Variants in NLGN3 observed in about 807,000 individuals in gnomAD.
NLGN3 encodes neuroligin-3.
A neutral mutation model predicts 42.9 loss-of-function variants in NLGN3; 11 were observed. The observed-to-expected ratio is 0.26, with a 90% CI of 0.16 to 0.42. The LOEUF is 0.42. Among genes scored for constraint, NLGN3 ranks in the 10% least tolerant of loss-of-function variants. The probability of loss-of-function intolerance (pLI) is 1.00; values close to 1 mark genes in which losing one functional copy is unlikely to be tolerated. For synonymous variants in NLGN3, 279 were observed against 312.7 expected (o/e 0.89, Z 1.14); for missense variants, 374 against 733.8 (o/e 0.51, Z 5.67).
At chrX:71,160,727 G>C (rs959392880) in intron 5 of NLGN3, among the ~76,000 whole-genome samples, 1 of 112,427 alleles carries the variant, frequency 8.9e-6, no homozygotes, top group African/African-American at 3.2e-5. Context: ...TTTTACTCCA[G>C]GTTCCAGAAT....
chrX:71,165,941 T>C (rs2092445452), intron 6 of NLGN3, among the ~76,000 whole-genome samples: 1 of 112,007 alleles, frequency 8.9e-6, no homozygotes, highest in Non-Finnish European at 1.9e-5. Context: ...ATCTATCATT[T>C]CTTTCCCTCT....
chrX:71,169,715 A>G lies in NLGN3; in HGVS notation c.2165A>G (p.Asn722Ser). Residue 722 changes from asparagine to serine, a missense_variant, in exon 8 of 8, where the codon AAC (asparagine) becomes AGC (serine). Coordinates refer to ENST00000358741, the MANE Select transcript of NLGN3 (RefSeq NM_181303.2). ...IAVGASLLFL[N>S]VLAFAALYYR... ...GTGGGGGCCTCCCTCCTGTTCCTTA[A>G]CGTTCTGGCCTTCGCTGCCCTCTAC... 1 of 1,211,749 alleles carries G rather than the reference A, an allele frequency of 8.3e-7. No homozygotes were observed. Among genetic ancestry groups the G allele is most frequent in the Non-Finnish European group, 1.1e-6 (1 of 895,411 alleles).
At chrX:71,153,656 A>G (rs1052058360) in intron 4 of NLGN3, 120 bp downstream of exon 4, 2 of 681,202 alleles carry the variant, frequency 2.9e-6, no homozygotes. Flanking sequence ...GTTCCTGTAC[A>G]AGGCCGTTGG....
chrX:71,145,491 C>T (rs991516971), intron 1 of NLGN3, among the ~76,000 whole-genome samples: 6 of 108,156 alleles, frequency 5.5e-5, no homozygotes, highest in Non-Finnish European at 1.2e-4. Context: ...CAATGCCCCG[C>T]GCCCAGCACC....
intron 5 of NLGN3, among the ~76,000 whole-genome samples, chrX:71,160,711 G>T (rs1408537928): frequency 1.8e-5 from 2 of 112,458 alleles, no homozygotes; most frequent in African/African-American, 6.5e-5. Flanking sequence ...GCAGGCACTT[G>T]CCAAGTTTTA....
rs1251832909 is a variant in NLGN3, at chrX:71,160,376, C to T, written c.728-3767C>T. ...GGATTACAGGCGCCTGCCACCACACCCGGCATATTTTTGTATTTTTAGTAG... is the reference window on the plus strand; with the variant it reads ...GGATTACAGGCGCCTGCCACCACACTCGGCATATTTTTGTATTTTTAGTAG... On this transcript the variant is annotated intron_variant, in intron 5 of 7. Transcript: ENST00000358741. Among the ~76,000 whole-genome samples the T allele has an allele frequency of 2.7e-5, 3 of 109,266 alleles. No individual in the cohort carries two copies. In the East Asian group the frequency reaches 8.6e-4, roughly 31 times the overall value. The allele number at this position is 109,266 out of a possible 115,157, so 94.9% of individuals were successfully genotyped here. A position where few individuals can be genotyped will look rare whatever the true frequency, so the allele number is the denominator to read the frequency against.
intron 5 of NLGN3, among the ~76,000 whole-genome samples, chrX:71,161,008 T>C (rs1051449054): frequency 1.8e-5 from 2 of 111,977 alleles, no homozygotes; most frequent in Non-Finnish European, 3.8e-5. Flanking sequence ...TAGCAGTGAG[T>C]GACCTCTCCC....
chrX:71,170,179 G>A lies in NLGN3; in HGVS notation c.*82G>A, dbSNP rs201706343. On this transcript the variant is annotated 3_prime_UTR_variant, in exon 8 of 8. Transcript: ENST00000358741. Reference sequence around the variant, plus strand: ...CATGCACACACACACACACACACACGCAGACACACACACACACACACATAT... The same window carrying A: ...CATGCACACACACACACACACACACACAGACACACACACACACACACATAT... The A allele has an allele frequency of 3.2e-5, 37 of 1,139,951 alleles. No individual in the cohort carries two copies. In the Admixed American group the frequency reaches 5.6e-4, roughly 17 times the overall value. The allele number at this position is 1,139,951 out of a possible 1,213,427, so 93.9% of individuals were successfully genotyped here. A position where few individuals can be genotyped will look rare whatever the true frequency, so the allele number is the denominator to read the frequency against.
chrX:71,161,518 A>C lies in NLGN3; in HGVS notation c.728-2625A>C, dbSNP rs532080802. ...TAACCAGAGACTCATAGGATCTGAGAGAGCAGAGAGTGATGGTCAAATCCT... is the reference window on the plus strand; with the variant it reads ...TAACCAGAGACTCATAGGATCTGAGCGAGCAGAGAGTGATGGTCAAATCCT... On this transcript the variant is annotated intron_variant, in intron 5 of 7. Coordinates refer to ENST00000358741, the MANE Select transcript of NLGN3 (RefSeq NM_181303.2). Among the ~76,000 whole-genome samples, 21 of 109,965 alleles carry C rather than the reference A, an allele frequency of 1.9e-4. No homozygotes were observed. The South Asian group carries it at 8.4e-3, about 44-fold the overall frequency.
chrX:71,168,853 GAAAGAAA>G (rs1207039071), intron 7 of NLGN3, among the ~76,000 whole-genome samples: 2 of 85,100 alleles, frequency 2.4e-5, no homozygotes, highest in African/African-American at 6.4e-5. Flanking sequence ...AAGAAAGAAA[GAAAGAAA>G]GAAAGAAAGA....
At chrX:71,153,379 G>A in intron 3 of NLGN3, 98 bp from the exon 4 acceptor site, 2 of 891,393 alleles carry the variant, frequency 2.2e-6, no homozygotes, top group Non-Finnish European at 3.2e-6. Flanking sequence ...GCCCGGAGCT[G>A]GCTTGCTGGG....
intron 3 of NLGN3, 105 bp from the exon 4 acceptor site, chrX:71,153,372 C>T (rs1400413885): frequency 1.2e-5 from 10 of 843,350 alleles, no homozygotes; most frequent in African/African-American, 4.0e-5. Flanking sequence ...GGCCCAGGCC[C>T]GGAGCTGGCT....
intron 7 of NLGN3, among the ~76,000 whole-genome samples, chrX:71,168,700 C>T (rs867327576): frequency 2.3e-5 from 2 of 86,575 alleles, no homozygotes; most frequent in South Asian, 1.2e-3. Context: ...CCAGCCTGTG[C>T]GACAGAGCGA....
chrX:71,160,176 C>T (rs1164678653), intron 5 of NLGN3, among the ~76,000 whole-genome samples: 2 of 106,767 alleles, frequency 1.9e-5, no homozygotes, highest in Non-Finnish European at 3.9e-5. Context: ...ACCCATCAGG[C>T]GGTTCACTCT....
intron 3 of NLGN3, among the ~76,000 whole-genome samples, chrX:71,151,172 G>A (rs1225446326): frequency 9.0e-6 from 1 of 110,954 alleles, no homozygotes; most frequent in African/African-American, 3.3e-5. Flanking sequence ...ACAGGTGCAT[G>A]GTGGCACACA....
rs774015992 is a variant in NLGN3 at position 71,168,884 on chromosome X, G to GAA, written c.1704-369_1704-368insAA. On this transcript the variant is annotated intron_variant, in intron 7 of 7. Transcript: ENST00000358741. ...AAGAAAGAAAGAGAAAGAAAAGAAAGAGAAAGAAAGAAAGAAAGAAAAAGA... is the reference window on the plus strand; with the variant it reads ...AAGAAAGAAAGAGAAAGAAAAGAAAGAAAGAAAGAAAGAAAGAAAGAAAAAGA... Among the ~76,000 whole-genome samples the GAA allele has an allele frequency of 6.8e-3, 487 of 71,511 alleles. 7 individuals are homozygous for GAA. Among genetic ancestry groups the GAA allele is most frequent in the African/African-American group, 0.063 (444 of 7,072 alleles). 62.1% of individuals were successfully genotyped at this position (71,511 alleles called of 115,157 possible). A position where few individuals can be genotyped will look rare whatever the true frequency, so the allele number is the denominator to read the frequency against.
In NLGN3 at chrX:71,170,254, TAGAC is replaced by T. The variant is rs1265216871; in HGVS notation, c.*161_*164del. 9.7e-6 allele frequency: 11 copies of T among 1,133,137 alleles called. No individual in the cohort carries two copies. Among genetic ancestry groups the T allele is most frequent in the South Asian group, 4.0e-5 (2 of 49,750 alleles). The allele number at this position is 1,133,137 out of a possible 1,213,427, so 93.4% of individuals were successfully genotyped here. A position where few individuals can be genotyped will look rare whatever the true frequency, so the allele number is the denominator to read the frequency against. The stretch of plus-strand genomic sequence containing the variant: ...TACAGCAGATCCACCTGCACAAACA[TAGAC>T]AGATGTGGACATGCACCCGCATGTA... On this transcript the variant is annotated 3_prime_UTR_variant, in exon 8 of 8. Coordinates refer to ENST00000358741, the MANE Select transcript of NLGN3 (RefSeq NM_181303.2).
chrX:71,149,232 A>G (rs979859556), intron 3 of NLGN3, among the ~76,000 whole-genome samples: 3 of 111,635 alleles, frequency 2.7e-5, no homozygotes, highest in African/African-American at 9.8e-5. Flanking sequence ...ATGGAGCCAG[A>G]GGCTCCACCC....
At chrX:71,150,656 C>T (rs1377083984) in intron 3 of NLGN3, among the ~76,000 whole-genome samples, 4 of 99,060 alleles carry the variant, frequency 4.0e-5, no homozygotes, top group African/African-American at 1.5e-4. Context: ...GAGCCGAGAT[C>T]GTGCCACTGC....
Sources: allele counts gnomAD v4.1 joint callset (sites outside exome capture counted in the v4.1 genomes callset), GRCh38; gene constraint gnomAD v4.1.1; transcripts MANE v1.5; gene names NCBI Gene and HGNC (gene_info 2026-07-23, HGNC 2026-07-21).